TTC21B: variants seen among roughly 807,000 people sequenced by gnomAD.
TTC21B encodes the protein tetratricopeptide repeat domain 21B.
TTC21B carries 127 observed loss-of-function variants against 175.1 expected under a neutral mutation model. The ratio of observed to expected loss-of-function variants is 0.73; its 90% CI spans 0.63 to 0.84. The LOEUF is 0.84. TTC21B is among the 40% of genes least tolerant of loss of function. The pLI is 0.00. For missense variants in TTC21B, 1,561 were observed against 1,558.3 expected (o/e 1.00, Z -0.03); for synonymous variants, 524 against 524.5 (o/e 1.00, Z 0.01).
chr2:165,892,488 T>C (rs1021167500), intron 22 of TTC21B, among the ~76,000 whole-genome samples: 1 of 152,074 alleles, frequency 6.6e-6, no homozygotes, highest in African/African-American at 2.4e-5. Context: ...GAATAGATAA[T>C]CAAAATGTAG....
chr2:165,907,895 G>T, intron 18 of TTC21B, 111 bp from the exon 19 acceptor site: 1 of 711,450 alleles, frequency 1.4e-6, no homozygotes, highest in Non-Finnish European at 2.3e-6. Context: ...GAAAAATAGT[G>T]AATACGGTTA....
At chr2:165,931,657 G>T in intron 8 of TTC21B, 101 bp downstream of exon 8, 2 of 941,146 alleles carry the variant, frequency 2.1e-6, no homozygotes, top group Middle Eastern at 2.1e-4. Context: ...ATACATATTT[G>T]CACTCTAGGC....
At chr2:165,895,209 G>T (rs1685322979) in intron 22 of TTC21B, among the ~76,000 whole-genome samples, 1 of 152,042 alleles carries the variant, frequency 6.6e-6, no homozygotes, top group Non-Finnish European at 1.5e-5. Context: ...TGGAAGCATG[G>T]TTGTATGTCA....
chr2:165,889,731 T>C (rs1441102759), intron 24 of TTC21B, among the ~76,000 whole-genome samples: 2 of 152,216 alleles, frequency 1.3e-5, no homozygotes, highest in African/African-American at 2.4e-5. Context: ...CTGAATACTA[T>C]GCACTGCTAT....
At chr2:165,880,155 T>A (rs1684792970) in intron 27 of TTC21B, among the ~76,000 whole-genome samples, 1 of 152,068 alleles carries the variant, frequency 6.6e-6, no homozygotes, top group Non-Finnish European at 1.5e-5. Flanking sequence ...TAGACTAGCA[T>A]TACCCAAACT....
chr2:165,899,670 C>A, intron 21 of TTC21B, 100 bp downstream of exon 21: 1 of 773,360 alleles, frequency 1.3e-6, no homozygotes, highest in East Asian at 2.5e-5. Context: ...CAAAAGCCAA[C>A]GTGAGCCATG....
chr2:165,878,523 T>G (rs1684741100), intron 27 of TTC21B, among the ~76,000 whole-genome samples: 1 of 152,076 alleles, frequency 6.6e-6, no homozygotes, highest in Non-Finnish European at 1.5e-5. Context: ...GATGTCGGTG[T>G]GTAGATGTGG....
chr2:165,892,225 C>CTGAACA (rs1219202164), intron 22 of TTC21B, among the ~76,000 whole-genome samples: 1 of 152,078 alleles, frequency 6.6e-6, no homozygotes, highest in Non-Finnish European at 1.5e-5. Context: ...ATAAGCTATT[C>CTGAACA]TGAACATGTT....
At chr2:165,922,269 T>C (rs535308673) in intron 12 of TTC21B, among the ~76,000 whole-genome samples, 201 of 152,190 alleles carry the variant, frequency 1.3e-3, no homozygotes, top group African/African-American at 4.4e-3. Context: ...CTTCTTACAA[T>C]TGAAATATTT....
intron 3 of TTC21B, among the ~76,000 whole-genome samples, chr2:165,946,809 G>A (rs1687584886): frequency 6.6e-6 from 1 of 152,142 alleles, no homozygotes; most frequent in Non-Finnish European, 1.5e-5. Context: ...CTGCACTCCA[G>A]CCTGGGCAAC....
intron 14 of TTC21B, among the ~76,000 whole-genome samples, chr2:165,916,239 G>C (rs1455433484): frequency 6.6e-6 from 1 of 152,144 alleles, no homozygotes; most frequent in Admixed American, 6.5e-5. Flanking sequence ...TGCCAGCTGA[G>C]GAGACAGAGT....
Position 165,949,521 on chromosome 2 carries a change from T to C in TTC21B, c.152-17A>G, listed in dbSNP as rs1438130128. ...GAGTTTTACCTGAAAATCAAGATTA[T>C]GATATGAAAAACTGTTCTTAGTGCA... On this transcript the variant is annotated splice_polypyrimidine_tract_variant and intron_variant, in intron 2 of 28. Transcript: ENST00000243344. The C allele has an allele frequency of 6.2e-7, 1 of 1,613,620 alleles. No individual in the cohort carries two copies. Among genetic ancestry groups the C allele is most frequent in the Non-Finnish European group, 8.5e-7 (1 of 1,179,666 alleles).
Position 165,949,325 on chromosome 2 carries a change from G to T in TTC21B, c.262+69C>A. On this transcript the variant is annotated intron_variant, in intron 3 of 28. Transcript: ENST00000243344. ...TAGTGTGATCAGACTGAATGACTTGGTAACTGAGAAAAATAAAAATAAACT... is the reference window on the plus strand; with the variant it reads ...TAGTGTGATCAGACTGAATGACTTGTTAACTGAGAAAAATAAAAATAAACT... 3.5e-6 allele frequency: 4 copies of T among 1,129,512 alleles called. No individual in the cohort carries two copies. The South Asian group carries it at 4.9e-5, about 14-fold the overall frequency. 70.0% of individuals were successfully genotyped at this position (1,129,512 alleles called of 1,614,324 possible).
At chr2:165,946,548 C>T (rs901834859) in intron 3 of TTC21B, among the ~76,000 whole-genome samples, 2 of 152,040 alleles carry the variant, frequency 1.3e-5, no homozygotes, top group South Asian at 4.2e-4. Context: ...GGTAAAAAAG[C>T]TGTATATGGC....
At chr2:165,952,760 G>A (rs1687798493) in intron 1 of TTC21B, among the ~76,000 whole-genome samples, 1 of 152,160 alleles carries the variant, frequency 6.6e-6, no homozygotes, top group South Asian at 2.1e-4. Context: ...TCGCCAAATT[G>A]TCCTCCATCC....
intron 27 of TTC21B, among the ~76,000 whole-genome samples, chr2:165,877,619 G>T (rs1439566877): frequency 6.6e-6 from 1 of 152,144 alleles, no homozygotes; most frequent in Non-Finnish European, 1.5e-5. Flanking sequence ...TTCACACAAT[G>T]ATGAAATTGT....
At chr2:165,921,834 T>G (rs1686418306) in intron 12 of TTC21B, among the ~76,000 whole-genome samples, 1 of 151,992 alleles carries the variant, frequency 6.6e-6, no homozygotes, top group African/African-American at 2.4e-5. Context: ...AATCTTTTTT[T>G]TTATTTCAAT....
At chr2:165,889,874 T>C (rs1237038406) in intron 24 of TTC21B, among the ~76,000 whole-genome samples, 1 of 152,140 alleles carries the variant, frequency 6.6e-6, no homozygotes, top group Non-Finnish European at 1.5e-5. Context: ...CCTCTTATAT[T>C]CCCTTTATGT....
rs1234127319 is a variant in TTC21B, at chr2:165,919,275, C to A, written c.1674+1G>T. ...TATCCACTTCAGTCTGGAATACTTACCTTAAAATCATAGCTCAGACAAAGT... is the reference window on the plus strand; with the variant it reads ...TATCCACTTCAGTCTGGAATACTTAACTTAAAATCATAGCTCAGACAAAGT... On this transcript the variant is annotated splice_donor_variant, in intron 13 of 28. Coordinates refer to ENST00000243344, the MANE Select transcript of TTC21B (RefSeq NM_024753.5). LOFTEE classifies it high-confidence loss of function. The A allele has an allele frequency of 6.2e-7, 1 of 1,613,766 alleles. No homozygotes were observed. Among genetic ancestry groups the A allele is most frequent in the East Asian group, 2.2e-5 (1 of 44,854 alleles).
Sources: allele counts gnomAD v4.1 joint callset (sites outside exome capture counted in the v4.1 genomes callset), GRCh38; gene constraint gnomAD v4.1.1; transcripts MANE v1.5; gene names NCBI Gene and HGNC (gene_info 2026-07-23, HGNC 2026-07-21).